Variants in SHROOM4 observed in about 807,000 individuals in gnomAD.
SHROOM4 encodes protein Shroom4.
SHROOM4 carries 17 observed loss-of-function variants against 80.3 expected under a neutral mutation model. That is an observed-to-expected ratio of 0.21 (90% CI 0.14 to 0.32). SHROOM4 has a LOEUF of 0.32. Among genes scored for constraint, SHROOM4 ranks in the 10% least tolerant of loss-of-function variants. SHROOM4 has a pLI of 1.00. For synonymous variants in SHROOM4, 400 were observed against 437.5 expected, an observed-to-expected ratio of 0.91 and a Z score of 1.07; for missense variants, 993 against 1,140.3, an observed-to-expected ratio of 0.87 and a Z score of 1.86.
In SHROOM4 at chrX:50,593,830, C is replaced by T. The variant is rs1928981731; in HGVS notation, c.*2865G>A. ...TTTCACCTCTCCTTTTCTTTGCTTCCAATTTCTTCCTTTCTAGGGCTTTAT... is the reference window on the plus strand; with the variant it reads ...TTTCACCTCTCCTTTTCTTTGCTTCTAATTTCTTCCTTTCTAGGGCTTTAT... On this transcript the variant is annotated 3_prime_UTR_variant, in exon 9 of 9. Transcript: ENST00000376020. The T allele has an allele frequency of 8.9e-6, 1 of 112,272 alleles. No homozygotes were observed. Among genetic ancestry groups the T allele is most frequent in the African/African-American group, 3.2e-5 (1 of 30,855 alleles). 9.3% of individuals were successfully genotyped at this position (112,272 alleles called of 1,213,427 possible).
At chrX:50,809,724 A>G (rs1215126574) in intron 1 of SHROOM4, among the ~76,000 whole-genome samples, 1 of 112,230 alleles carries the variant, frequency 8.9e-6, no homozygotes, top group Non-Finnish European at 1.9e-5. Context: ...AGAAACATCT[A>G]CCATAAACGA....
rs782560030 is a variant in SHROOM4, at chrX:50,682,759, T to C, written c.269+13027A>G. On this transcript the variant is annotated intron_variant, in intron 2 of 8. Transcript: ENST00000376020. ...AGCAGAATGTGAAAAGGCACAGAGA[T>C]ATGAGAGAATATGTTGTAGCTGGAT... Among the ~76,000 whole-genome samples, 5 of 111,635 alleles carry C rather than the reference T, an allele frequency of 4.5e-5. No homozygotes were observed. The East Asian group carries it at 1.4e-3, about 32-fold the overall frequency.
intron 1 of SHROOM4, among the ~76,000 whole-genome samples, chrX:50,800,998 G>T (rs1349927636): frequency 9.1e-6 from 1 of 109,930 alleles, no homozygotes; most frequent in East Asian, 2.9e-4. Flanking sequence ...TGAGTTGAGA[G>T]ATATATCAAT....
chrX:50,765,629 T>C (rs549900883), intron 1 of SHROOM4, among the ~76,000 whole-genome samples: 3 of 111,949 alleles, frequency 2.7e-5, no homozygotes, highest in African/African-American at 6.5e-5. Context: ...GTCAGACACA[T>C]TGATAGACAC....
chrX:50,671,763 T>A, intron 2 of SHROOM4, among the ~76,000 whole-genome samples: 1 of 112,954 alleles, frequency 8.9e-6, no homozygotes, highest in Non-Finnish European at 1.9e-5. Context: ...TCACTTTTTT[T>A]ATAATTCATG....
chrX:50,584,855 G>A (rs1928729884), downstream of SHROOM4, among the ~76,000 whole-genome samples: 1 of 111,063 alleles, frequency 9.0e-6, no homozygotes, highest in Non-Finnish European at 1.9e-5. Context: ...GGGTGTCATT[G>A]AGCCAACCAG....
chrX:50,674,378 T>C (rs1359038884), intron 2 of SHROOM4, among the ~76,000 whole-genome samples: 4 of 111,831 alleles, frequency 3.6e-5, no homozygotes, highest in African/African-American at 1.3e-4. Context: ...GTCAGACACA[T>C]ATATCAATGG....
rs150051475 is a variant in SHROOM4, at chrX:50,775,049, C to G, written c.117+38853G>C. On this transcript the variant is annotated intron_variant, in intron 1 of 8. Coordinates refer to ENST00000376020, the MANE Select transcript of SHROOM4 (RefSeq NM_020717.5). Reference sequence around the variant, plus strand: ...CCTTTTGTTTTTCCTCACTTGCTTCCCAGTACTCCTGATGAAGGGCCTGTG... The same window carrying G: ...CCTTTTGTTTTTCCTCACTTGCTTCGCAGTACTCCTGATGAAGGGCCTGTG... 7.4e-3 allele frequency among the ~76,000 whole-genome samples: 828 copies of G among 111,803 alleles called. 10 individuals carry two copies. The highest frequency in any genetic ancestry group is 0.026 in the African/African-American group (788 of 30,744).
At chrX:50,751,769 T>C (rs1228073569) in intron 1 of SHROOM4, among the ~76,000 whole-genome samples, 1 of 112,202 alleles carries the variant, frequency 8.9e-6, no homozygotes, top group East Asian at 2.8e-4. Context: ...CATGTGTTTC[T>C]AGCTAAACAG....
At chrX:50,718,687 T>C (rs782152404) in intron 1 of SHROOM4, among the ~76,000 whole-genome samples, 1 of 111,554 alleles carries the variant, frequency 9.0e-6, no homozygotes, top group East Asian at 2.8e-4. Flanking sequence ...ATGGGCTAGA[T>C]TGGGGCACCA....
chrX:50,759,998 T>C (rs1190631675), intron 1 of SHROOM4, among the ~76,000 whole-genome samples: 1 of 111,553 alleles, frequency 9.0e-6, no homozygotes, highest in Non-Finnish European at 1.9e-5. Flanking sequence ...ATCCTGGAGA[T>C]TGTTCCACAT....
chrX:50,669,243 A>G (rs1932765555), intron 2 of SHROOM4, among the ~76,000 whole-genome samples: 1 of 111,615 alleles, frequency 9.0e-6, no homozygotes, highest in Non-Finnish European at 1.9e-5. Context: ...TCCTTCCCTG[A>G]GAGATTTCTC....
rs1187149132 is a variant in SHROOM4, at chrX:50,593,623, T to C, written c.*3072A>G. ...ACGACTCCTCTGGCAAAGCTCCAAA[T>C]GGGTGGAAGTGGCCAGAAATGGGCC... On this transcript the variant is annotated 3_prime_UTR_variant, in exon 9 of 9. Transcript: ENST00000376020. 4 of 103,615 alleles carry C rather than the reference T, an allele frequency of 3.9e-5. No individual in the cohort carries two copies. Among genetic ancestry groups the C allele is most frequent in the African/African-American group, 1.1e-4 (3 of 26,534 alleles). The allele number at this position is 103,615 out of a possible 1,213,427, so 8.5% of individuals were successfully genotyped here.
At chrX:50,716,385 G>A (rs1293617037) in intron 1 of SHROOM4, among the ~76,000 whole-genome samples, 1 of 111,543 alleles carries the variant, frequency 9.0e-6, no homozygotes, top group Non-Finnish European at 1.9e-5. Context: ...GTGAGGTAAT[G>A]TATATTTTAA....
intron 2 of SHROOM4, among the ~76,000 whole-genome samples, chrX:50,670,952 A>G (rs782334676): frequency 1.8e-5 from 2 of 111,597 alleles, no homozygotes; most frequent in African/African-American, 6.5e-5. Flanking sequence ...CTTTTTGATA[A>G]ATAATAAGAC....
rs1557248981 is a variant in SHROOM4, at chrX:50,607,862, C to T, written c.3280G>A (p.Ala1094Thr). The T allele has an allele frequency of 2.5e-6, 3 of 1,209,472 alleles. No homozygotes were observed. Among genetic ancestry groups the T allele is most frequent in the South Asian group, 1.8e-5 (1 of 56,668 alleles). The change falls in exon 6 of 9, where the codon GCC becomes ACC. Residue 1094 changes from alanine (A) to threonine (T), a missense_variant. Ala to Thr is a moderately conservative substitution (Grantham distance 58). Transcript: ENST00000376020. Reference sequence around the variant, plus strand: ...GGAGGAGGAAAGGCCTTCTTCCTGGCTCCGAGAAGATCCGACTGGGTCTCA... The same window carrying T: ...GGAGGAGGAAAGGCCTTCTTCCTGGTTCCGAGAAGATCCGACTGGGTCTCA... ...GDETQSDLLGARKKAFPPPRP... is the reference protein window; with the variant it reads ...GDETQSDLLGTRKKAFPPPRP...
chrX:50,738,381 G>A (rs1401539571), intron 1 of SHROOM4, among the ~76,000 whole-genome samples: 1 of 110,974 alleles, frequency 9.0e-6, no homozygotes, highest in Non-Finnish European at 1.9e-5. Flanking sequence ...AAAACAGGAA[G>A]TCAAATTGTC....
In SHROOM4 at chrX:50,813,829, C is replaced by T. The variant is rs1362421309; in HGVS notation, c.117+73G>A. 4.8e-6 allele frequency: 4 copies of T among 837,637 alleles called. No homozygotes were observed. In the East Asian group the frequency reaches 1.3e-4, roughly 27 times the overall value. 69.0% of individuals were successfully genotyped at this position (837,637 alleles called of 1,213,427 possible). On this transcript the variant is annotated intron_variant, in intron 1 of 8. Transcript: ENST00000376020. Reference sequence around the variant, plus strand: ...TTCAAAGTTGGCCTGAGGGCCCCGTCCAGCGGCAGCCTTCGCACCCGCTTG... The same window carrying T: ...TTCAAAGTTGGCCTGAGGGCCCCGTTCAGCGGCAGCCTTCGCACCCGCTTG...
the SHROOM4 span, among the ~76,000 whole-genome samples, chrX:50,576,291 A>G: frequency 4.5e-5 from 5 of 111,741 alleles, no homozygotes; most frequent in African/African-American, 1.6e-4. Context: ...GCATGAGCCT[A>G]CCTGAGTAAC....
Sources: allele counts gnomAD v4.1 joint callset (sites outside exome capture counted in the v4.1 genomes callset), GRCh38; gene constraint gnomAD v4.1.1; transcripts MANE v1.5; gene names NCBI Gene and HGNC (gene_info 2026-07-23, HGNC 2026-07-21).